Variants in UBAP2L observed in about 807,000 individuals in gnomAD.
The protein encoded by UBAP2L is ubiquitin-associated protein 2-like.
Under a neutral mutation model 130.6 loss-of-function variants are expected in UBAP2L, and 12 were observed. That is an observed-to-expected ratio of 0.09 (90% CI 0.06 to 0.15). The LOEUF is 0.15. UBAP2L is among the 10% of genes least tolerant of loss of function. The probability of loss-of-function intolerance (pLI) is 1.00; values close to 1 mark genes in which losing one functional copy is unlikely to be tolerated. For missense variants in UBAP2L, 965 were observed against 1,332.5 expected (o/e 0.72, Z 4.29); for synonymous variants, 503 against 524.7 (o/e 0.96, Z 0.57).
At chr1:154,239,040 C>T (rs12062977) in intron 8 of UBAP2L, among the ~76,000 whole-genome samples, 64,372 of 151,872 alleles carry the variant, frequency 0.42, 14,252 homozygotes, top group South Asian at 0.64. Flanking sequence ...CACGCCTGGT[C>T]GTTGTTAATT....
chr1:154,253,007 C>T (rs961406987), intron 14 of UBAP2L, among the ~76,000 whole-genome samples: 1 of 152,052 alleles, frequency 6.6e-6, no homozygotes, highest in Non-Finnish European at 1.5e-5. Flanking sequence ...GACATTTAGC[C>T]ACTTTTTTAT....
chr1:154,246,584 A>G (rs1408958252), intron 11 of UBAP2L, among the ~76,000 whole-genome samples: 1 of 152,240 alleles, frequency 6.6e-6, no homozygotes, highest in East Asian at 1.9e-4. Context: ...ATATTCTTAT[A>G]AGAATAAGTT....
chr1:154,269,385 C>T (rs1369857765), intron 26 of UBAP2L: 6 of 1,315,928 alleles, frequency 4.6e-6, no homozygotes. Context: ...AGATGATTCT[C>T]TGTTGCCAGC....
At chr1:154,244,030 T>C (rs1012958092) in intron 10 of UBAP2L, among the ~76,000 whole-genome samples, 1 of 152,196 alleles carries the variant, frequency 6.6e-6, no homozygotes, top group Non-Finnish European at 1.5e-5. Context: ...AACAGTTGTT[T>C]TTTTCCTTTG....
chr1:154,259,080 T>A, intron 21 of UBAP2L, 50 bp downstream of exon 21: 1 of 1,522,542 alleles, frequency 6.6e-7, no homozygotes. Context: ...TTAAAATTAG[T>A]GTTGGGAGAA....
At chr1:154,270,920 G>T (rs751573314), downstream of UBAP2L, 2 of 1,550,424 alleles carry the variant, frequency 1.3e-6, no homozygotes, top group Non-Finnish European at 1.7e-6. Context: ...TGGTGAATAA[G>T]TATTACTGTA....
At position 154,235,307 on chromosome 1, in the gene UBAP2L, G is replaced by A. The variant is rs1439101370; in HGVS notation, c.544+16G>A. On this transcript the variant is annotated intron_variant, in intron 6 of 26. Transcript: ENST00000428931. Reference sequence around the variant, plus strand: ...CGAGGCAGAGGTGATCAGTTTGTTGGGGGATGGATATTGGGGGCAGGTTAC... The same window carrying A: ...CGAGGCAGAGGTGATCAGTTTGTTGAGGGATGGATATTGGGGGCAGGTTAC... The A allele has an allele frequency of 4.0e-6, 3 of 747,436 alleles. No individual in the cohort carries two copies. The highest frequency in any genetic ancestry group is 7.3e-6 in the Non-Finnish European group (3 of 409,664). The allele number at this position is 747,436 out of a possible 1,614,324, so 46.3% of individuals were successfully genotyped here.
chr1:154,225,409 G>A (rs1287555584), intron 2 of UBAP2L, among the ~76,000 whole-genome samples, 196 bp downstream of exon 2: 1 of 150,646 alleles, frequency 6.6e-6, no homozygotes, highest in Non-Finnish European at 1.5e-5. Context: ...TTACTTTTTT[G>A]TTGTTTAATA....
At chr1:154,262,007 C>T (rs1681711455) in intron 24 of UBAP2L, among the ~76,000 whole-genome samples, 1 of 152,128 alleles carries the variant, frequency 6.6e-6, no homozygotes, top group South Asian at 2.1e-4. Context: ...GCTGAAATGT[C>T]AGTGGAGGCA....
intron 5 of UBAP2L, 54 bp from the exon 6 acceptor site, chr1:154,235,142 T>C: frequency 1.4e-6 from 1 of 714,512 alleles, no homozygotes; most frequent in Non-Finnish European, 2.6e-6. Flanking sequence ...TCTGGCCATC[T>C]GTGGTTTGGT....
intron 2 of UBAP2L, among the ~76,000 whole-genome samples, chr1:154,226,574 T>C (rs779368604): frequency 3.3e-5 from 5 of 152,258 alleles, no homozygotes; most frequent in Non-Finnish European, 7.3e-5. Flanking sequence ...ACTGGATATA[T>C]AGAAGATGTG....
chr1:154,266,661 C>A (rs757063759), intron 25 of UBAP2L, 93 bp downstream of exon 25: 1 of 1,338,660 alleles, frequency 7.5e-7, no homozygotes, highest in East Asian at 2.3e-5. Context: ...AAGAAGAACC[C>A]TAGGAGAGGT....
intron 25 of UBAP2L, 113 bp from the exon 26 acceptor site, chr1:154,268,638 ACTGTGC>A: frequency 1.1e-6 from 1 of 932,048 alleles, no homozygotes. Context: ...CTTCAAGTGT[ACTGTGC>A]CTTCTGTGAC....
chr1:154,264,030 C>G (rs1247124862), intron 24 of UBAP2L, among the ~76,000 whole-genome samples: 1 of 152,146 alleles, frequency 6.6e-6, no homozygotes, highest in East Asian at 1.9e-4. Context: ...TTTCAGAGAT[C>G]GTGGATTACC....
chr1:154,236,928 G>T (rs1228127378), intron 7 of UBAP2L, 96 bp from the exon 8 acceptor site: 1 of 928,834 alleles, frequency 1.1e-6, no homozygotes, highest in East Asian at 2.6e-5. Flanking sequence ...TGACAGATTT[G>T]TACTAGGAAG....
chr1:154,223,991 T>C (rs1205604544), intron 1 of UBAP2L, among the ~76,000 whole-genome samples: 1 of 152,226 alleles, frequency 6.6e-6, no homozygotes, highest in Non-Finnish European at 1.5e-5. Flanking sequence ...TAACCTATTA[T>C]TTTGAACACT....
chr1:154,256,918 G>T, intron 18 of UBAP2L, 145 bp from the exon 19 acceptor site: 1 of 832,098 alleles, frequency 1.2e-6, no homozygotes, highest in Non-Finnish European at 1.8e-6. Flanking sequence ...TTAGCAGGGT[G>T]TACTTTGGTA....
At chr1:154,226,570 T>G (rs1249402133) in intron 2 of UBAP2L, among the ~76,000 whole-genome samples, 3 of 152,228 alleles carry the variant, frequency 2.0e-5, no homozygotes, top group African/African-American at 7.2e-5. Flanking sequence ...ATACACTGGA[T>G]ATATAGAAGA....
At chr1:154,232,436 AC>A (rs1670171804) in intron 4 of UBAP2L, among the ~76,000 whole-genome samples, 1 of 152,066 alleles carries the variant, frequency 6.6e-6, no homozygotes, top group South Asian at 2.1e-4. Context: ...TTTTTTAAAA[AC>A]TTTTAAGTTT....
Sources: allele counts gnomAD v4.1 joint callset (sites outside exome capture counted in the v4.1 genomes callset), GRCh38; gene constraint gnomAD v4.1.1; transcripts MANE v1.5; gene names NCBI Gene and HGNC (gene_info 2026-07-23, HGNC 2026-07-21).